The following MCOLN2 variants were observed in gnomAD, a reference collection of about 807,000 sequenced individuals.
MCOLN2 encodes the protein mucolipin TRP cation channel 2.
Under a neutral mutation model 67.5 loss-of-function variants are expected in MCOLN2, and 57 were observed. The ratio of observed to expected loss-of-function variants is 0.84; its 90% CI spans 0.68 to 1.05. The LOEUF is 1.05. Ranked by LOEUF, MCOLN2 falls within the 50% of genes least tolerant of loss-of-function variation. The pLI is 0.00. For synonymous variants in MCOLN2, 246 were observed against 233.3 expected (o/e 1.05, Z -0.50); for missense variants, 620 against 678.8 (o/e 0.91, Z 0.96).
At chr1:84,976,819 A>T (rs538835187) in intron 1 of MCOLN2, among the ~76,000 whole-genome samples, 2 of 152,276 alleles carry the variant, frequency 1.3e-5, no homozygotes, top group South Asian at 4.1e-4. Context: ...TCAACACCAG[A>T]CCTGTCCTAC....
intron 2 of MCOLN2, among the ~76,000 whole-genome samples, chr1:84,960,501 A>G (rs1394787456): frequency 6.6e-6 from 1 of 152,246 alleles, no homozygotes; most frequent in Non-Finnish European, 1.5e-5. Context: ...ACTGTTCAGC[A>G]TTTGAGTCTC....
At chr1:84,995,192 A>G (rs1316424459) in intron 1 of MCOLN2, among the ~76,000 whole-genome samples, 1 of 152,192 alleles carries the variant, frequency 6.6e-6, no homozygotes, top group Non-Finnish European at 1.5e-5. Flanking sequence ...ATATAATAAT[A>G]ATGATGAAAA....
intron 1 of MCOLN2, among the ~76,000 whole-genome samples, chr1:84,976,822 T>G (rs1020587823): frequency 6.6e-6 from 1 of 152,144 alleles, no homozygotes; most frequent in African/African-American, 2.4e-5. Context: ...ACACCAGACC[T>G]GTCCTACAAA....
chr1:84,968,113 C>T (rs1373951371), intron 1 of MCOLN2, among the ~76,000 whole-genome samples: 2 of 152,096 alleles, frequency 1.3e-5, no homozygotes, highest in African/African-American at 4.8e-5. Context: ...AGATTCTAGG[C>T]CCAAAGGCAT....
In MCOLN2 at chr1:84,996,824, C is replaced by T. The variant is rs202107934; in HGVS notation, c.49G>A (p.Gly17Arg). Residue 17 changes from glycine (G) to arginine (R), a missense_variant, in exon 1 of 14, where the codon GGA becomes AGA. Physicochemically the swap from Gly to Arg is moderately radical, Grantham distance 125 (BLOSUM62 -2). Coordinates refer to ENST00000370608, the MANE Select transcript of MCOLN2 (RefSeq NM_153259.4). ...ACGGTTAACCTGAAAACACCTGATC[C>T]TCTCTCCGGAATCCTTGCCTGGGGA... Reference protein sequence around the residue: ...RFPQARIPERGSGVFRLTVRN... With the variant: ...RFPQARIPERRSGVFRLTVRN... 2.5e-6 allele frequency: 4 copies of T among 1,614,158 alleles called. No individual in the cohort carries two copies. Among genetic ancestry groups the T allele is most frequent in the Non-Finnish European group, 3.4e-6 (4 of 1,180,004 alleles).
At chr1:84,979,916 T>G (rs534140669) in intron 1 of MCOLN2, among the ~76,000 whole-genome samples, 1 of 152,242 alleles carries the variant, frequency 6.6e-6, no homozygotes, top group Admixed American at 6.5e-5. Context: ...GATCTTATAT[T>G]TGGAAAAAAA....
In MCOLN2 at chr1:84,965,531, A is replaced by C. The variant is rs749383120; in HGVS notation, c.237+18T>G. 5 of 1,607,606 alleles carry C rather than the reference A, an allele frequency of 3.1e-6. No individual in the cohort carries two copies. The highest frequency in any genetic ancestry group is 4.2e-6 in the Non-Finnish European group (5 of 1,178,066). ...TTGTGGTAAGGGAAAAACCAAATGAAATAATAAGATAGGTTACCTGTGTGG... is the reference window on the plus strand; with the variant it reads ...TTGTGGTAAGGGAAAAACCAAATGACATAATAAGATAGGTTACCTGTGTGG... On this transcript the variant is annotated intron_variant, in intron 2 of 13. Coordinates refer to ENST00000370608, the MANE Select transcript of MCOLN2 (RefSeq NM_153259.4).
At chr1:84,948,841 T>C (rs1648254626) in intron 6 of MCOLN2, among the ~76,000 whole-genome samples, 1 of 152,066 alleles carries the variant, frequency 6.6e-6, no homozygotes, top group Admixed American at 6.5e-5. Context: ...CAAAGAAAAA[T>C]GAATTTCTGG....
chr1:84,993,388 C>A (rs959693319), intron 1 of MCOLN2, among the ~76,000 whole-genome samples: 2 of 152,208 alleles, frequency 1.3e-5, no homozygotes, highest in African/African-American at 4.8e-5. Context: ...CCTAATACTT[C>A]CTCTACTGAA....
chr1:84,993,619 C>CTTTTTTTTTTT (rs869075778), intron 1 of MCOLN2, among the ~76,000 whole-genome samples: 1 of 118,534 alleles, frequency 8.4e-6, no homozygotes, highest in Non-Finnish European at 1.8e-5. Flanking sequence ...TAAATAATGT[C>CTTTTTTTTTTT]TTTTTTTTTT....
intron 11 of MCOLN2, among the ~76,000 whole-genome samples, chr1:84,934,705 G>A (rs937919350): frequency 6.6e-6 from 1 of 152,196 alleles, no homozygotes; most frequent in Non-Finnish European, 1.5e-5. Flanking sequence ...AAGTCCTCTG[G>A]AAATGTAAAA....
At chr1:84,978,970 G>C (rs774511757) in intron 1 of MCOLN2, among the ~76,000 whole-genome samples, 1 of 152,138 alleles carries the variant, frequency 6.6e-6, no homozygotes, top group African/African-American at 2.4e-5. Flanking sequence ...TTTGAGGGCT[G>C]CAAGCATCCA....
At chr1:84,977,115 G>C (rs2102873710) in intron 1 of MCOLN2, among the ~76,000 whole-genome samples, 1 of 139,592 alleles carries the variant, frequency 7.2e-6, no homozygotes, top group African/African-American at 2.7e-5. Context: ...TTAAGGCATA[G>C]AGTTTTTATT....
intron 11 of MCOLN2, chr1:84,937,388 CATA>C (rs1647488242): frequency 5.9e-6 from 1 of 170,308 alleles, no homozygotes; most frequent in Non-Finnish European, 1.2e-5. Context: ...GGATGAAAAA[CATA>C]ATACTTTAAA....
chr1:84,996,030 A>C (rs2102899527), intron 1 of MCOLN2, among the ~76,000 whole-genome samples: 1 of 152,274 alleles, frequency 6.6e-6, no homozygotes, highest in East Asian at 1.9e-4. Context: ...AGTTCACGGC[A>C]ACGGGAGTTT....
chr1:84,969,699 C>T (rs1649568069), intron 1 of MCOLN2, among the ~76,000 whole-genome samples: 1 of 144,688 alleles, frequency 6.9e-6, no homozygotes, highest in African/African-American at 2.5e-5. Context: ...ACTTGACCAA[C>T]TTAATGAGCA....
Position 84,997,075 on chromosome 1 carries a change from G to T in MCOLN2, c.-203C>A. ...AGCAGGCGCCGCAGTCGTGGAGTGCGGCGGGCAGTTCTCGGGCGGCTGAAA... is the reference window on the plus strand; with the variant it reads ...AGCAGGCGCCGCAGTCGTGGAGTGCTGCGGGCAGTTCTCGGGCGGCTGAAA... On this transcript the variant is annotated 5_prime_UTR_variant, in exon 1 of 14. Coordinates refer to ENST00000370608, the MANE Select transcript of MCOLN2 (RefSeq NM_153259.4). The T allele has an allele frequency of 1.7e-6, 1 of 590,022 alleles. No individual in the cohort carries two copies. The highest frequency in any genetic ancestry group is 2.0e-5 in the South Asian group (1 of 49,110). The allele number at this position is 590,022 out of a possible 1,614,324, so 36.5% of individuals were successfully genotyped here. A position where few individuals can be genotyped will look rare whatever the true frequency, so the allele number is the denominator to read the frequency against.
chr1:84,948,215 T>C (rs1026132498), intron 6 of MCOLN2, among the ~76,000 whole-genome samples: 1 of 152,258 alleles, frequency 6.6e-6, no homozygotes, highest in African/African-American at 2.4e-5. Context: ...CTGCTTATCA[T>C]GTATGCACAT....
chr1:84,949,607 T>G (rs1648306433), intron 6 of MCOLN2, among the ~76,000 whole-genome samples: 1 of 151,974 alleles, frequency 6.6e-6, no homozygotes, highest in Admixed American at 6.6e-5. Flanking sequence ...TGCCACTGCA[T>G]GCACTCCAGC....
Sources: gnomAD v4.1 joint callset for allele counts (sites outside exome capture counted in the v4.1 genomes callset) on GRCh38, gnomAD v4.1.1 for gene constraint, MANE v1.5 for transcripts, NCBI Gene and HGNC (gene_info 2026-07-23, HGNC 2026-07-21) for gene names.